The following INPP5D variants were observed in gnomAD, a reference collection of about 807,000 sequenced individuals.
INPP5D encodes phosphatidylinositol 3,4,5-trisphosphate 5-phosphatase 1.
In INPP5D, 33 loss-of-function variants were observed where a neutral mutation model predicts 122.9. The ratio of observed to expected loss-of-function variants is 0.27; its 90% CI spans 0.20 to 0.36. The LOEUF (loss-of-function observed/expected upper bound fraction) is 0.36, where lower values mean the gene tolerates loss of function less well. Ranked by LOEUF, INPP5D falls within the 10% of genes least tolerant of loss-of-function variation. INPP5D has a pLI of 1.00. For missense variants in INPP5D, 1,053 were observed against 1,412.7 expected (o/e 0.75, Z 4.08); for synonymous variants, 584 against 576.2 (o/e 1.01, Z -0.19).
At chr2:233,154,034 C>T (rs1236943693) in intron 9 of INPP5D, among the ~76,000 whole-genome samples, 2 of 152,238 alleles carry the variant, frequency 1.3e-5, no homozygotes, top group Admixed American at 6.5e-5. Flanking sequence ...AGAAGCCCTG[C>T]TCGACAGACC....
intron 2 of INPP5D, among the ~76,000 whole-genome samples, chr2:233,081,690 G>A (rs1264127064): frequency 2.0e-5 from 3 of 152,194 alleles, no homozygotes; most frequent in Non-Finnish European, 4.4e-5. Flanking sequence ...AAGGGGTAAG[G>A]GGTGGGCAGC....
In INPP5D at chr2:233,100,972, C is replaced by T. The variant is rs966981354; in HGVS notation, c.199-21135C>T. ...TTCCTCACTGAACGGTAATCCCCTC[C>T]GTGTGCCCCCAACGAGTCATTCACC... On this transcript the variant is annotated intron_variant, in intron 2 of 26. Coordinates refer to ENST00000445964, the MANE Select transcript of INPP5D (RefSeq NM_001017915.3). This position sits in a 1 kb window ranked among gnomAD's most constrained non-coding sequence, Gnocchi z 5.3. 8.3e-5 allele frequency among the ~76,000 whole-genome samples: 11 copies of T among 132,372 alleles called. No individual in the cohort carries two copies. Among genetic ancestry groups the T allele is most frequent in the African/African-American group, 1.3e-4 (4 of 31,354 alleles). 86.8% of individuals were successfully genotyped at this position (132,372 alleles called of 152,430 possible).
intron 1 of INPP5D, among the ~76,000 whole-genome samples, chr2:233,073,640 C>CAAAAAA (rs752382722): frequency 4.5e-5 from 2 of 44,202 alleles, no homozygotes; most frequent in South Asian, 8.3e-4. Context: ...AACTCAATCT[C>CAAAAAA]AAAAAAAAAA....
intron 2 of INPP5D, among the ~76,000 whole-genome samples, chr2:233,109,203 C>T (rs569315101): frequency 6.6e-6 from 1 of 152,348 alleles, no homozygotes; most frequent in South Asian, 2.1e-4. Context: ...CATCCACCTC[C>T]ATCCTGCAGC....
intron 18 of INPP5D, 36 bp from the exon 19 acceptor site, chr2:233,182,371 TCTC>T (rs1694805683): frequency 2.5e-6 from 4 of 1,611,458 alleles, no homozygotes; most frequent in Non-Finnish European, 3.4e-6. Context: ...CGGAAGGGCT[TCTC>T]CTTCCCTGCT....
At chr2:233,185,633 C>T (rs1694891406) in intron 20 of INPP5D, among the ~76,000 whole-genome samples, 1 of 148,756 alleles carries the variant, frequency 6.7e-6, no homozygotes. Context: ...ATAATTAGAC[C>T]ATGTTGGCAA....
chr2:233,103,959 C>T (rs372929593), intron 2 of INPP5D, among the ~76,000 whole-genome samples: 10 of 143,278 alleles, frequency 7.0e-5, no homozygotes, highest in East Asian at 4.2e-4. Flanking sequence ...CACCTGCCTC[C>T]GCCTCCCAAA....
At chr2:233,202,956 T>G (rs985240050) in intron 25 of INPP5D, among the ~76,000 whole-genome samples, 22 of 152,186 alleles carry the variant, frequency 1.4e-4, no homozygotes, top group African/African-American at 5.3e-4. Flanking sequence ...TCCCTCTGAC[T>G]TGCACCACAG....
chr2:233,137,023 A>T (rs1168111776), intron 5 of INPP5D, among the ~76,000 whole-genome samples: 1 of 152,262 alleles, frequency 6.6e-6, no homozygotes, highest in East Asian at 1.9e-4. Context: ...TAGTGAGCAT[A>T]AGGTATAGAT....
At chr2:233,166,317 G>C (rs1056546308) in intron 13 of INPP5D, among the ~76,000 whole-genome samples, 3 of 152,226 alleles carry the variant, frequency 2.0e-5, no homozygotes, top group African/African-American at 7.2e-5. Context: ...TGGCCTCAGG[G>C]CTGGGCACTG....
At position 233,105,888 on chromosome 2, in the gene INPP5D, C is replaced by T. The variant is rs1409714147; in HGVS notation, c.199-16219C>T. On this transcript the variant is annotated intron_variant, in intron 2 of 26. Coordinates refer to ENST00000445964, the MANE Select transcript of INPP5D (RefSeq NM_001017915.3). The surrounding 1 kb of genome is among the most constrained non-coding windows in gnomAD (Gnocchi z 4.0). ...GTCCAAAGAGGCCCGAAGGCCTGCA[C>T]AGGGGATGAGATGAAGGGACAGTGG... is the stretch of plus-strand genomic sequence containing the variant. 6.6e-6 allele frequency among the ~76,000 whole-genome samples: 1 copy of T among 152,042 alleles called. No individual in the cohort carries two copies. The highest frequency in any genetic ancestry group is 1.5e-5 in the Non-Finnish European group (1 of 68,014).
chr2:233,064,368 C>T (rs1691154764), intron 1 of INPP5D, among the ~76,000 whole-genome samples: 1 of 152,222 alleles, frequency 6.6e-6, no homozygotes, highest in Admixed American at 6.5e-5. Context: ...CACAGGCCAC[C>T]CAGGCACCAT....
chr2:233,115,812 A>G (rs1247011000), intron 2 of INPP5D, among the ~76,000 whole-genome samples: 4 of 152,150 alleles, frequency 2.6e-5, no homozygotes, highest in African/African-American at 9.7e-5. Context: ...TTTGCAACCA[A>G]ACTTCTCTGC....
chr2:233,179,766 G>T lies in INPP5D; in HGVS notation c.2071+2420G>T, dbSNP rs191767894. On this transcript the variant is annotated intron_variant, in intron 18 of 26. Transcript: ENST00000445964. ...TGAGGGGAGGCAAAATGTTGGAAAA[G>T]AAAAGGGAGTGAATGTCCAGAGCTC... 8.3e-4 allele frequency among the ~76,000 whole-genome samples: 127 copies of T among 152,294 alleles called. 1 individual carries two copies. The highest frequency in any genetic ancestry group is 2.9e-3 in the African/African-American group (120 of 41,568).
chr2:233,128,494 T>C lies in INPP5D; in HGVS notation c.525-2014T>C, dbSNP rs894700620. Among the ~76,000 whole-genome samples the C allele has an allele frequency of 2.0e-5, 3 of 152,212 alleles. No homozygotes were observed. The highest frequency in any genetic ancestry group is 4.4e-5 in the Non-Finnish European group (3 of 68,034). ...AAGCCAGTCCTGTTCAGTATTTTTT[T>C]TGAGATGGAGTCTCGCTCTGTCACC... is the stretch of plus-strand genomic sequence containing the variant. On this transcript the variant is annotated intron_variant, in intron 4 of 26. Coordinates refer to ENST00000445964, the MANE Select transcript of INPP5D (RefSeq NM_001017915.3). This position sits in a 1 kb window ranked among gnomAD's most constrained non-coding sequence, Gnocchi z 4.5.
At chr2:233,181,124 C>T (rs1694773188) in intron 18 of INPP5D, among the ~76,000 whole-genome samples, 1 of 152,200 alleles carries the variant, frequency 6.6e-6, no homozygotes, top group African/African-American at 2.4e-5. Flanking sequence ...GCCCCCACTC[C>T]CATCCTTCTC....
At chr2:233,157,999 G>A (rs553065509) in intron 9 of INPP5D, among the ~76,000 whole-genome samples, 29 of 152,228 alleles carry the variant, frequency 1.9e-4, no homozygotes, top group East Asian at 9.6e-4. Flanking sequence ...AGGAGGGAGG[G>A]AGAAGAGGAG....
intron 2 of INPP5D, among the ~76,000 whole-genome samples, chr2:233,083,556 G>C (rs1209698485): frequency 1.3e-5 from 2 of 152,218 alleles, no homozygotes; most frequent in African/African-American, 4.8e-5. Context: ...CCCACACCAA[G>C]AGAGTGGGTT....
In INPP5D at chr2:233,204,634, C is replaced by G. The variant is rs897814366; in HGVS notation, c.3484C>G (p.Arg1162Gly). The G allele has an allele frequency of 6.3e-7, 1 of 1,582,932 alleles. No homozygotes were observed. Among genetic ancestry groups the G allele is most frequent in the East Asian group, 2.3e-5 (1 of 43,180 alleles). Residue 1162 changes from arginine (R) to glycine (G), a missense_variant, in exon 26 of 27, where the codon CGC (arginine) becomes GGC (glycine). By Grantham distance (125) the Arg-to-Gly change is moderately radical (BLOSUM62 -2). This residue lies in a region of INPP5D where 417 missense variants were observed against 425.8 expected (regional missense o/e 0.98). Transcript: ENST00000445964. ...HLQHSKGRDY[R>G]DNTELPHHGK... ...CCAGCACTCCAAGGGCCGCGACTAC[C>G]GCGACAACACCGAGCTCCCGCATCA... is the stretch of plus-strand genomic sequence containing the variant.
Sources: gnomAD v4.1 joint callset for allele counts (sites outside exome capture counted in the v4.1 genomes callset) on GRCh38, gnomAD v4.1.1 for gene constraint, gnomAD v4.1.1 regional missense constraint, Gnocchi (gnomAD v3.1) non-coding constraint, MANE v1.5 for transcripts, NCBI Gene and HGNC (gene_info 2026-07-23, HGNC 2026-07-21) for gene names.